Variants in LRRC37A2 observed in about 807,000 individuals in gnomAD.
LRRC37A2 encodes leucine-rich repeat-containing protein 37A2.
In LRRC37A2, 9 loss-of-function variants were observed where a neutral mutation model predicts 68.8. That is an observed-to-expected ratio of 0.13 (90% CI 0.08 to 0.23). The LOEUF (loss-of-function observed/expected upper bound fraction) is 0.23. Ranked by LOEUF, LRRC37A2 falls within the 10% of genes least tolerant of loss-of-function variation. The pLI is 1.00. For synonymous variants in LRRC37A2, 63 were observed against 367.6 expected (o/e 0.17, Z 9.48); for missense variants, 168 against 950.4 (o/e 0.18, Z 10.82).
the LRRC37A2 span, among the ~76,000 whole-genome samples, chr17:46,584,978 C>CCT: frequency 1.6e-5 from 1 of 61,450 alleles, no homozygotes; most frequent in Non-Finnish European, 3.5e-5. Context: ...TGTTCCTTAC[C>CCT]TCAGAAACAG....
At chr17:46,583,213 C>T in the LRRC37A2 span, among the ~76,000 whole-genome samples, 1 of 67,154 alleles carries the variant, frequency 1.5e-5, no homozygotes, top group Non-Finnish European at 4.1e-5. Context: ...ATCCGCCCAC[C>T]TCAGCCTCCC....
At chr17:46,891,336 G>A in the LRRC37A2 span, among the ~76,000 whole-genome samples, 1 of 152,204 alleles carries the variant, frequency 6.6e-6, no homozygotes, top group Non-Finnish European at 1.5e-5. Context: ...TTGCAGATAA[G>A]GAAACTGAGG....
At chr17:46,779,053 T>TCTCACACACACA in the LRRC37A2 span, among the ~76,000 whole-genome samples, 55 of 100,666 alleles carry the variant, frequency 5.5e-4, no homozygotes, top group African/African-American at 1.4e-3. Flanking sequence ...CCCTACCCCA[T>TCTCACACACACA]CACACACACA....
chr17:46,786,373 G>C, the LRRC37A2 span, among the ~76,000 whole-genome samples: 1 of 152,224 alleles, frequency 6.6e-6, no homozygotes, highest in African/African-American at 2.4e-5. Flanking sequence ...TGGCACCCCA[G>C]AGGAACCCCA....
the LRRC37A2 span, among the ~76,000 whole-genome samples, chr17:46,982,553 G>A: frequency 3.3e-5 from 5 of 152,156 alleles, no homozygotes; most frequent in East Asian, 1.9e-4. Flanking sequence ...AGGAAACAGC[G>A]GCACTGACTG....
At chr17:46,801,851 C>T in the LRRC37A2 span, among the ~76,000 whole-genome samples, 75 of 152,288 alleles carry the variant, frequency 4.9e-4, no homozygotes, top group Middle Eastern at 0.01. Context: ...GGCAAGCCTT[C>T]TTCCCGATGC....
chr17:46,964,951 T>C, the LRRC37A2 span: 1 of 152,246 alleles, frequency 6.6e-6, no homozygotes, highest in Non-Finnish European at 1.5e-5. Context: ...TCCAAGGTGA[T>C]GTGGCCTTTC....
the LRRC37A2 span, among the ~76,000 whole-genome samples, chr17:46,729,802 A>G: frequency 1.3e-5 from 2 of 152,316 alleles, no homozygotes; most frequent in East Asian, 1.9e-4. Context: ...TAACAGTTAT[A>G]TATGTGCGTG....
At chr17:46,768,287 TC>T in the LRRC37A2 span, 1 of 1,612,358 alleles carries the variant, frequency 6.2e-7, no homozygotes, top group Non-Finnish European at 8.5e-7. This position sits in a 1 kb window ranked among gnomAD's most constrained non-coding sequence, Gnocchi z 5.0. Context: ...GCTCCCAGCC[TC>T]CCCCCTGCTT....
the LRRC37A2 span, chr17:46,932,349 C>T: frequency 8.3e-6 from 7 of 838,560 alleles, no homozygotes; most frequent in Non-Finnish European, 1.4e-5. Context: ...TTGTGCATTG[C>T]CACAGAGACT....
At chr17:46,772,670 A>G in the LRRC37A2 span, among the ~76,000 whole-genome samples, 1 of 152,240 alleles carries the variant, frequency 6.6e-6, no homozygotes, top group Non-Finnish European at 1.5e-5. Context: ...TCCCATGACA[A>G]TAGCCAGCAC....
chr17:46,718,485 G>T, the LRRC37A2 span, among the ~76,000 whole-genome samples: 2 of 152,102 alleles, frequency 1.3e-5, no homozygotes, highest in African/African-American at 4.8e-5. Flanking sequence ...AATGGTGCAT[G>T]TACTCCATAA....
chr17:46,937,735 C>T, the LRRC37A2 span: 1 of 152,242 alleles, frequency 6.6e-6, no homozygotes, highest in African/African-American at 2.4e-5. Context: ...AAGGTTCATT[C>T]ATATTGTTAC....
chr17:46,782,938 C>T, the LRRC37A2 span, among the ~76,000 whole-genome samples: 1 of 152,160 alleles, frequency 6.6e-6, no homozygotes, highest in African/African-American at 2.4e-5. Flanking sequence ...TTCTTCTGAG[C>T]CCAAAGGGAC....
At chr17:46,969,061 C>T in the LRRC37A2 span, 1 of 152,706 alleles carries the variant, frequency 6.5e-6, no homozygotes. Context: ...ATGCTGGATG[C>T]AGCCGGGCCA....
chr17:46,964,477 G>A, the LRRC37A2 span: 4 of 152,530 alleles, frequency 2.6e-5, no homozygotes, highest in Admixed American at 2.6e-4. Context: ...CAACAGCCAA[G>A]TGTTCAGCAC....
At chr17:46,942,985 A>G in the LRRC37A2 span, among the ~76,000 whole-genome samples, 1 of 152,092 alleles carries the variant, frequency 6.6e-6, no homozygotes, top group South Asian at 2.1e-4. Context: ...CTGCATTGGA[A>G]TTCCCTCGGG....
chr17:46,916,525 G>A, the LRRC37A2 span, among the ~76,000 whole-genome samples: 5 of 152,192 alleles, frequency 3.3e-5, no homozygotes, highest in Non-Finnish European at 7.3e-5. Context: ...TCTGATCGGC[G>A]AAATTTTATT....
chr17:46,947,704 A>G, the LRRC37A2 span, among the ~76,000 whole-genome samples: 1 of 152,226 alleles, frequency 6.6e-6, no homozygotes, highest in African/African-American at 2.4e-5. Context: ...TAGTGAGAAT[A>G]ATAATAACTA....
Sources: gnomAD v4.1 joint callset for allele counts (sites outside exome capture counted in the v4.1 genomes callset) on GRCh38, gnomAD v4.1.1 for gene constraint, Gnocchi (gnomAD v3.1) non-coding constraint, MANE v1.5 for transcripts, NCBI Gene and HGNC (gene_info 2026-07-23, HGNC 2026-07-21) for gene names.